WDR11: variants seen among roughly 807,000 people sequenced by gnomAD.
WDR11 encodes WD repeat-containing protein 11.
Under a neutral mutation model 151.2 loss-of-function variants are expected in WDR11, and 83 were observed. That is an observed-to-expected ratio of 0.55 (90% CI 0.46 to 0.66). The LOEUF (loss-of-function observed/expected upper bound fraction) is 0.66, where lower values mean the gene tolerates loss of function less well. Ranked by LOEUF, WDR11 falls within the 30% of genes least tolerant of loss-of-function variation. The pLI, the probability that WDR11 is intolerant of heterozygous loss-of-function variation, is 0.00. For missense variants in WDR11, 1,301 were observed against 1,480.9 expected (o/e 0.88, Z 1.99); for synonymous variants, 484 against 533.1 (o/e 0.91, Z 1.27).
chr10:120,856,973 T>G (rs1845969799), intron 2 of WDR11, among the ~76,000 whole-genome samples: 1 of 152,202 alleles, frequency 6.6e-6, no homozygotes, highest in Non-Finnish European at 1.5e-5. Flanking sequence ...GATCAATAGA[T>G]AACCTTGCTT....
intron 5 of WDR11, among the ~76,000 whole-genome samples, chr10:120,863,941 T>C (rs1459714944): frequency 3.3e-5 from 5 of 152,222 alleles, no homozygotes; most frequent in African/African-American, 4.8e-5. Context: ...TTCTATTTTT[T>C]ATGTATTCCC....
chr10:120,894,108 G>A (rs1847520753), intron 19 of WDR11, among the ~76,000 whole-genome samples: 2 of 151,600 alleles, frequency 1.3e-5, no homozygotes, highest in Non-Finnish European at 2.9e-5. Context: ...TGTCCTGAAT[G>A]GTATTGCCTA....
intron 1 of WDR11, 45 bp from the exon 2 acceptor site, chr10:120,852,479 C>T (rs1845814805): frequency 6.5e-7 from 1 of 1,535,208 alleles, no homozygotes; most frequent in Admixed American, 1.7e-5. Context: ...AAGAAGTCGT[C>T]CTGCTTTGTT....
chr10:120,882,482 G>T (rs918342049), intron 13 of WDR11, among the ~76,000 whole-genome samples: 1 of 150,594 alleles, frequency 6.6e-6, no homozygotes, highest in Non-Finnish European at 1.5e-5. Flanking sequence ...AAATTTATTA[G>T]GAAACCCATC....
chr10:120,863,471 G>T (rs770684917), intron 5 of WDR11, among the ~76,000 whole-genome samples: 3 of 152,016 alleles, frequency 2.0e-5, no homozygotes, highest in Non-Finnish European at 2.9e-5. Flanking sequence ...TATTTCATAG[G>T]GTTGTTTTAA....
Position 120,889,136 on chromosome 10 carries a change from A to C in WDR11, c.2180A>C (p.Asp727Ala). 1.2e-6 allele frequency: 2 copies of C among 1,613,918 alleles called. No individual in the cohort carries two copies. The highest frequency in any genetic ancestry group is 1.6e-4 in the Middle Eastern group (1 of 6,062). Residue 727 changes from aspartate to alanine, a missense_variant, in exon 17 of 29, where the codon GAT (aspartate) becomes GCT (alanine). By Grantham distance (126) the Asp-to-Ala change is moderately radical. This residue lies in a region of WDR11 where 589 missense variants were observed against 670.6 expected (regional missense o/e 0.88). Coordinates refer to ENST00000263461, the MANE Select transcript of WDR11 (RefSeq NM_018117.12). ...AWKGDTLVLG[D>A]MDGNLNFWDL... ...AAAGGTGATACATTAGTGCTTGGAG[A>C]TATGGATGGAAATTTAAATTTCTGG...
intron 12 of WDR11, 119 bp from the exon 13 acceptor site, chr10:120,880,707 T>A (rs1467429059): frequency 5.8e-6 from 5 of 859,542 alleles, no homozygotes; most frequent in East Asian, 5.4e-5. Context: ...AATGGAAGAA[T>A]GAATAGGAGA....
chr10:120,864,909 C>T, intron 5 of WDR11, 138 bp from the exon 6 acceptor site: 2 of 939,128 alleles, frequency 2.1e-6, no homozygotes, highest in Non-Finnish European at 3.2e-6. Context: ...GTTTTGGATG[C>T]CAACCCATGT....
rs1363159159 is a variant in WDR11 at position 120,858,657 on chromosome 10, G to A, written c.213G>A (p.Arg71=). The A allele has an allele frequency of 6.2e-7, 1 of 1,614,178 alleles. No homozygotes were observed. The highest frequency in any genetic ancestry group is 1.7e-5 in the Admixed American group (1 of 60,034). ...TCTTGATACAGGTTAAATGGGCCAG[G>A]GAAAACTATCACCATAACATTGGCT... The part of the protein sequence containing the change: ...KADVVKVKWA[R]ENYHHNIGSP... The change falls in exon 3 of 29, where the codon AGG becomes AGA. Residue 71 remains arginine, a synonymous_variant. Transcript: ENST00000263461.
intron 6 of WDR11, 21 bp downstream of exon 6, chr10:120,865,233 A>G: frequency 6.2e-7 from 1 of 1,610,486 alleles, no homozygotes; most frequent in Non-Finnish European, 8.5e-7. Flanking sequence ...TTCATAAATT[A>G]TATTCCCCAA....
At chr10:120,901,557 A>G (rs1263899319) in intron 21 of WDR11, among the ~76,000 whole-genome samples, 1 of 152,236 alleles carries the variant, frequency 6.6e-6, no homozygotes, top group Admixed American at 6.5e-5. Flanking sequence ...AAGGGCATTT[A>G]ACAGAATGTA....
chr10:120,862,177 G>C (rs1029953782), intron 4 of WDR11, among the ~76,000 whole-genome samples: 2 of 148,690 alleles, frequency 1.3e-5, no homozygotes, highest in Admixed American at 1.3e-4. Context: ...ATCTTGCTCT[G>C]TCACCCGGGT....
At chr10:120,870,111 A>G (rs970336381) in intron 9 of WDR11, among the ~76,000 whole-genome samples, 81 of 152,126 alleles carry the variant, frequency 5.3e-4, no homozygotes, top group Non-Finnish European at 7.8e-4. Context: ...AACCAAAGTT[A>G]TGTAGAGAGA....
chr10:120,891,357 C>CT (rs1847423899), intron 19 of WDR11, among the ~76,000 whole-genome samples: 1 of 151,978 alleles, frequency 6.6e-6, no homozygotes, highest in African/African-American at 2.4e-5. Flanking sequence ...ACCAGTCAAG[C>CT]AAATTAGCAG....
At position 120,908,568 on chromosome 10, in the gene WDR11, C is replaced by T. The variant is rs1226568550; in HGVS notation, c.3530C>T (p.Thr1177Ile). 6 of 1,614,088 alleles carry T rather than the reference C, an allele frequency of 3.7e-6. No individual in the cohort carries two copies. Among genetic ancestry groups the T allele is most frequent in the South Asian group, 1.1e-5 (1 of 91,080 alleles). ...EVTEDTEKLITAIYADYARSL... is the reference protein window; with the variant it reads ...EVTEDTEKLIIAIYADYARSL... The stretch of plus-strand genomic sequence containing the variant: ...AACTATGGTTTACAGAAACTCATCA[C>T]TGCTATATATGCAGATTATGCCCGG... The change falls in exon 29 of 29, where the codon ACT (threonine) becomes ATT (isoleucine). Residue 1177 changes from threonine (T) to isoleucine (I), a missense_variant. Around this residue, in one of 3 missense-constraint regions of WDR11, gnomAD observed 589 missense variants for 670.6 expected, o/e 0.88. Transcript: ENST00000263461.
chr10:120,851,605 C>G, intron 1 of WDR11, 99 bp downstream of exon 1: 1 of 1,467,190 alleles, frequency 6.8e-7, no homozygotes, highest in Non-Finnish European at 9.3e-7. Flanking sequence ...AGTTTGGCCT[C>G]GCTAAGGCAG....
intron 5 of WDR11, among the ~76,000 whole-genome samples, chr10:120,863,166 T>C (rs970679070): frequency 5.3e-5 from 8 of 152,220 alleles, no homozygotes; most frequent in African/African-American, 1.9e-4. Flanking sequence ...ATTAAAATTT[T>C]TGAATTCTGA....
chr10:120,882,417 CCTT>C (rs1438126148), intron 13 of WDR11, among the ~76,000 whole-genome samples: 1 of 151,244 alleles, frequency 6.6e-6, no homozygotes, highest in East Asian at 1.9e-4. Flanking sequence ...TATTCTCTCT[CCTT>C]TTTTTTTGAA....
chr10:120,890,717 T>G lies in WDR11; in HGVS notation c.2345T>G (p.Val782Gly), dbSNP rs1214344926. ...DGAEVWDTKE[V>G]QMVSSLRSGR... Reference sequence around the variant, plus strand: ...TGATGCCCAAATTCACTCTTGAAGGTTCAGATGGTGAGCAGTTTAAGAAGT... The same window carrying G: ...TGATGCCCAAATTCACTCTTGAAGGGTCAGATGGTGAGCAGTTTAAGAAGT... Residue 782 changes from valine (V) to glycine (G), a missense_variant and splice_region_variant, in exon 19 of 29, where the codon GTT becomes GGT. Physicochemically the swap from Val to Gly is moderately radical, Grantham distance 109. This residue lies in a region of WDR11 where 589 missense variants were observed against 670.6 expected (regional missense o/e 0.88). Transcript: ENST00000263461. 1 of 1,614,034 alleles carries G rather than the reference T, an allele frequency of 6.2e-7. No individual in the cohort carries two copies. The highest frequency in any genetic ancestry group is 8.5e-7 in the Non-Finnish European group (1 of 1,180,020).
Sources: allele counts gnomAD v4.1 joint callset (sites outside exome capture counted in the v4.1 genomes callset), GRCh38; gene constraint gnomAD v4.1.1; regional missense constraint gnomAD v4.1.1; transcripts MANE v1.5; gene names NCBI Gene and HGNC (gene_info 2026-07-23, HGNC 2026-07-21).